DPYSL2: variants seen among roughly 807,000 people sequenced by gnomAD.
The protein encoded by DPYSL2 is dihydropyrimidinase like 2.
Under a neutral mutation model 69.9 loss-of-function variants are expected in DPYSL2, and 13 were observed. The ratio of observed to expected loss-of-function variants is 0.19; its 90% CI spans 0.12 to 0.30. The LOEUF is 0.30. DPYSL2 is among the 10% of genes least tolerant of loss of function. DPYSL2 has a pLI of 1.00. For synonymous variants in DPYSL2, 326 were observed against 359.1 expected (o/e 0.91, Z 1.04); for missense variants, 587 against 918.9 (o/e 0.64, Z 4.67).
In DPYSL2 at chr8:26,636,097, G is replaced by A. The variant is rs907765980; in HGVS notation, c.1126+1197G>A. Among the ~76,000 whole-genome samples, 5 of 152,324 alleles carry A rather than the reference G, an allele frequency of 3.3e-5. No homozygotes were observed. In the South Asian group the frequency reaches 8.3e-4, roughly 25 times the overall value. Reference sequence around the variant, plus strand: ...AGTGCTCCTGGGGCCTCTGTCCTTAGGCTACACATCAAATGGTTGCTGCCT... The same window carrying A: ...AGTGCTCCTGGGGCCTCTGTCCTTAAGCTACACATCAAATGGTTGCTGCCT... On this transcript the variant is annotated intron_variant, in intron 8 of 13. Transcript: ENST00000521913.
intron 3 of DPYSL2, 105 bp downstream of exon 3, chr8:26,584,088 C>T: frequency 1.8e-6 from 2 of 1,135,516 alleles, no homozygotes; most frequent in Non-Finnish European, 2.5e-6. Context: ...TCCTGAGCCA[C>T]AGTTCAATCT....
At chr8:26,547,961 G>T in intron 1 of DPYSL2, 1 of 248,160 alleles carries the variant, frequency 4.0e-6, no homozygotes, top group East Asian at 9.3e-5. Context: ...AGCAGGAGGA[G>T]AAAGAAGTCT....
In DPYSL2 at chr8:26,609,686, C is replaced by T. The variant is rs988914146; in HGVS notation, c.629-14457C>T. On this transcript the variant is annotated intron_variant, in intron 3 of 13. Coordinates refer to ENST00000521913, the MANE Select transcript of DPYSL2 (RefSeq NM_001197293.3). This position sits in a 1 kb window ranked among gnomAD's most constrained non-coding sequence, Gnocchi z 6.5. The stretch of plus-strand genomic sequence containing the variant: ...CTGCCGGCTGCCACCCGTCGCTGAG[C>T]TGGAGCTCCCCAGAGTGCAGCCTGG... Among the ~76,000 whole-genome samples, 1 of 152,224 alleles carries T rather than the reference C, an allele frequency of 6.6e-6. No homozygotes were observed. The highest frequency in any genetic ancestry group is 1.5e-5 in the Non-Finnish European group (1 of 68,036).
At position 26,585,082 on chromosome 8, in the gene DPYSL2, T is replaced by C. The variant is rs540258485; in HGVS notation, c.628+1099T>C. On this transcript the variant is annotated intron_variant, in intron 3 of 13. Coordinates refer to ENST00000521913, the MANE Select transcript of DPYSL2 (RefSeq NM_001197293.3). This position sits in a 1 kb window ranked among gnomAD's most constrained non-coding sequence, Gnocchi z 4.0. ...TTTTTGAGGAGGTGGGCAAGCTGCA[T>C]AGTGGCCCGTCAGATACATATTTTA... Among the ~76,000 whole-genome samples, 2 of 152,290 alleles carry C rather than the reference T, an allele frequency of 1.3e-5. No homozygotes were observed. The highest frequency in any genetic ancestry group is 4.1e-4 in the South Asian group (2 of 4,820).
Position 26,598,040 on chromosome 8 carries a change from G to A in DPYSL2, c.628+14057G>A, listed in dbSNP as rs554679086. ...CGGCTTGGTCCTGGTTTTCTGAATC[G>A]TCAGATGCACCTGGATCAGCATGTC... On this transcript the variant is annotated intron_variant, in intron 3 of 13. Coordinates refer to ENST00000521913, the MANE Select transcript of DPYSL2 (RefSeq NM_001197293.3). The surrounding 1 kb of genome is among the most constrained non-coding windows in gnomAD (Gnocchi z 4.2). 9.3e-4 allele frequency among the ~76,000 whole-genome samples: 142 copies of A among 152,232 alleles called. 1 individual carries two copies. Among genetic ancestry groups the A allele is most frequent in the African/African-American group, 3.2e-3 (134 of 41,526 alleles).
chr8:26,643,633 C>A lies in DPYSL2; in HGVS notation c.1283+38C>A. ...GACTTGTTCACACTTCACATTCTGT[C>A]TTTCTTCAGACCAGACTGACCTGTT... On this transcript the variant is annotated intron_variant, in intron 9 of 13. Transcript: ENST00000521913. The surrounding 1 kb of genome is among the most constrained non-coding windows in gnomAD (Gnocchi z 6.5). 1.2e-6 allele frequency: 2 copies of A among 1,614,052 alleles called. No homozygotes were observed. The highest frequency in any genetic ancestry group is 1.7e-6 in the Non-Finnish European group (2 of 1,179,914).
At position 26,648,585 on chromosome 8, in the gene DPYSL2, GA is replaced by G. The variant is rs905719720; in HGVS notation, c.1596+787del. Among the ~76,000 whole-genome samples the G allele has an allele frequency of 6.6e-6, 1 of 152,214 alleles. No individual in the cohort carries two copies. The highest frequency in any genetic ancestry group is 2.4e-5 in the African/African-American group (1 of 41,466). On this transcript the variant is annotated intron_variant, in intron 11 of 13. Transcript: ENST00000521913. The surrounding 1 kb of genome is among the most constrained non-coding windows in gnomAD (Gnocchi z 4.3). ...CATGGTATAGGCAGAAAAACTGAAG[GA>G]ATATGCCCAGAGGGAGAGCTTTGGA...
At chr8:26,556,212 CTATATATAG>C (rs1800963591) in intron 1 of DPYSL2, among the ~76,000 whole-genome samples, 1 of 3,090 alleles carries the variant, frequency 3.2e-4, no homozygotes, top group African/African-American at 5.5e-4. Flanking sequence ...TATATATATA[CTATATATAG>C]TATATATAGT....
intron 8 of DPYSL2, chr8:26,637,721 AC>A (rs1802952028): frequency 6.6e-6 from 1 of 152,294 alleles, no homozygotes; most frequent in African/African-American, 2.4e-5. Flanking sequence ...CTTGGATCAA[AC>A]CCCAGCTCCA....
chr8:26,655,775 C>T lies in DPYSL2; in HGVS notation c.*69C>T, dbSNP rs2130007200. Reference sequence around the variant, plus strand: ...CCTGAGGACATTCTGAGACTTCTTTCTTCCTTCCTTTTTTTTTTTTTGTTT... The same window carrying T: ...CCTGAGGACATTCTGAGACTTCTTTTTTCCTTCCTTTTTTTTTTTTTGTTT... On this transcript the variant is annotated 3_prime_UTR_variant, in exon 14 of 14. Coordinates refer to ENST00000521913, the MANE Select transcript of DPYSL2 (RefSeq NM_001197293.3). 7 of 1,127,950 alleles carry T rather than the reference C, an allele frequency of 6.2e-6. No homozygotes were observed. The highest frequency in any genetic ancestry group is 4.9e-5 in the Admixed American group (2 of 40,746). The allele number at this position is 1,127,950 out of a possible 1,614,324, so 69.9% of individuals were successfully genotyped here.
chr8:26,559,550 A>G (rs547755630), intron 1 of DPYSL2, among the ~76,000 whole-genome samples: 2 of 152,116 alleles, frequency 1.3e-5, no homozygotes, highest in Non-Finnish European at 2.9e-5. Flanking sequence ...AAAGTTAAAC[A>G]TATTTTCTTG....
intron 1 of DPYSL2, among the ~76,000 whole-genome samples, chr8:26,521,686 C>G (rs1345978445): frequency 3.3e-5 from 5 of 152,144 alleles, no homozygotes; most frequent in Non-Finnish European, 7.3e-5. Context: ...TCCCCCCATC[C>G]CCTAGCAATC....
At chr8:26,563,505 T>A (rs992171973) in intron 1 of DPYSL2, among the ~76,000 whole-genome samples, 8 of 152,214 alleles carry the variant, frequency 5.3e-5, no homozygotes, top group Admixed American at 3.9e-4. Context: ...AGAGGCTAAG[T>A]CTAGAACTCT....
intron 10 of DPYSL2, among the ~76,000 whole-genome samples, chr8:26,646,782 G>A (rs1455401552): frequency 6.6e-6 from 1 of 151,910 alleles, no homozygotes; most frequent in African/African-American, 2.4e-5. Context: ...CTTGAGCCCA[G>A]GACTTCGAGC....
intron 1 of DPYSL2, among the ~76,000 whole-genome samples, chr8:26,561,076 G>T (rs1801062510): frequency 6.6e-6 from 1 of 152,158 alleles, no homozygotes; most frequent in South Asian, 2.1e-4. Flanking sequence ...GGGATGGGAG[G>T]GGGGTGAGTA....
chr8:26,529,341 A>G (rs1800457333), intron 1 of DPYSL2, among the ~76,000 whole-genome samples: 1 of 150,774 alleles, frequency 6.6e-6, no homozygotes, highest in African/African-American at 2.4e-5. Context: ...ATCTATATAT[A>G]TATTTAGAGA....
At chr8:26,577,600 G>C (rs367948) in intron 1 of DPYSL2, among the ~76,000 whole-genome samples, 112,305 of 148,458 alleles carry the variant, frequency 0.76, 42,843 homozygotes, top group East Asian at 0.93. Context: ...GTCTCGGGGT[G>C]CCGCCCCTCC....
At chr8:26,608,444 G>A (rs1344660599) in intron 3 of DPYSL2, among the ~76,000 whole-genome samples, 1 of 152,128 alleles carries the variant, frequency 6.6e-6, no homozygotes, top group Non-Finnish European at 1.5e-5. Context: ...TCCCTTTGAG[G>A]GATACTTTGC....
intron 1 of DPYSL2, chr8:26,577,128 C>T (rs1801365058): frequency 6.8e-6 from 3 of 443,810 alleles, no homozygotes; most frequent in South Asian, 4.7e-5. Context: ...TCCTTCCCGG[C>T]TCGGAGTTGG....
Sources: allele counts gnomAD v4.1 joint callset (sites outside exome capture counted in the v4.1 genomes callset), GRCh38; gene constraint gnomAD v4.1.1; non-coding constraint Gnocchi (gnomAD v3.1); transcripts MANE v1.5; gene names NCBI Gene and HGNC (gene_info 2026-07-23, HGNC 2026-07-21).